TOM1L2: variants seen among roughly 807,000 people sequenced by gnomAD.
TOM1L2 encodes the protein target of myb1 like 2 membrane trafficking protein, also known as TOM1-like protein 2.
Under a neutral mutation model 67.9 loss-of-function variants are expected in TOM1L2, and 31 were observed. The observed-to-expected ratio is 0.46, with a 90% CI of 0.34 to 0.62. TOM1L2 has a LOEUF of 0.62. Among genes scored for constraint, TOM1L2 ranks in the 20% least tolerant of loss-of-function variants. TOM1L2 has a pLI of 0.01. For missense variants in TOM1L2, 606 were observed against 663.5 expected, an observed-to-expected ratio of 0.91 and a Z score of 0.95; for synonymous variants, 256 against 254.0, an observed-to-expected ratio of 1.01 and a Z score of -0.07.
At chr17:17,917,053 C>T (rs983057875) in intron 1 of TOM1L2, among the ~76,000 whole-genome samples, 5 of 152,084 alleles carry the variant, frequency 3.3e-5, no homozygotes, top group Admixed American at 1.3e-4. Context: ...CCAGCTACTC[C>T]GGAGGCTGAG....
rs1156482268 is a variant in TOM1L2, at chr17:17,898,814, G to A, written c.138-140C>T. 3 of 773,032 alleles carry A rather than the reference G, an allele frequency of 3.9e-6. No individual in the cohort carries two copies. In the Admixed American group the frequency reaches 6.3e-5, roughly 16 times the overall value. The allele number at this position is 773,032 out of a possible 1,614,324, so 47.9% of individuals were successfully genotyped here. Reference sequence around the variant, plus strand: ...AAATGTAAAAGACTGGGAACAAACTGAATGTCCATCAATACACAACAGGTT... The same window carrying A: ...AAATGTAAAAGACTGGGAACAAACTAAATGTCCATCAATACACAACAGGTT... On this transcript the variant is annotated intron_variant, in intron 2 of 14. Coordinates refer to ENST00000379504, the MANE Select transcript of TOM1L2 (RefSeq NM_001082968.2).
chr17:17,892,846 T>C (rs529827293), intron 4 of TOM1L2, among the ~76,000 whole-genome samples: 1 of 152,300 alleles, frequency 6.6e-6, no homozygotes, highest in East Asian at 1.9e-4. Flanking sequence ...GATGTCCACA[T>C]GGTGATAAAC....
At chr17:17,913,669 T>A (rs1598326861) in intron 1 of TOM1L2, among the ~76,000 whole-genome samples, 1 of 152,162 alleles carries the variant, frequency 6.6e-6, no homozygotes, top group Non-Finnish European at 1.5e-5. Context: ...TCAAAATGGG[T>A]ATATATCTTT....
At chr17:17,882,624 G>A in intron 6 of TOM1L2, 81 bp downstream of exon 6, 2 of 1,564,642 alleles carry the variant, frequency 1.3e-6, no homozygotes, top group Non-Finnish European at 1.7e-6. Flanking sequence ...ACCTGGCTTG[G>A]GAGGCCTTTG....
intron 1 of TOM1L2, among the ~76,000 whole-genome samples, chr17:17,917,938 C>T (rs2039698170): frequency 6.6e-6 from 1 of 152,162 alleles, no homozygotes; most frequent in South Asian, 2.1e-4. Context: ...CTGGGCAACA[C>T]AATGAGGCTG....
At chr17:17,928,902 G>C (rs2040210036) in intron 1 of TOM1L2, among the ~76,000 whole-genome samples, 1 of 152,112 alleles carries the variant, frequency 6.6e-6, no homozygotes, top group South Asian at 2.1e-4. Flanking sequence ...AAGTGCTTCT[G>C]CTACGTGGGT....
chr17:17,875,552 G>A (rs781027451), intron 7 of TOM1L2, among the ~76,000 whole-genome samples: 6 of 152,214 alleles, frequency 3.9e-5, no homozygotes, highest in South Asian at 2.1e-4. Flanking sequence ...AAACGCTGAC[G>A]ACTTCAGCTT....
At chr17:17,901,279 C>T (rs1486831291) in intron 2 of TOM1L2, among the ~76,000 whole-genome samples, 2 of 152,160 alleles carry the variant, frequency 1.3e-5, no homozygotes, top group Admixed American at 1.3e-4. Flanking sequence ...AGTTGGAAAC[C>T]AGGAGAAGAG....
At position 17,872,102 on chromosome 17, in the gene TOM1L2, C is replaced by T. The variant is rs149341172; in HGVS notation, c.778-2629G>A. 4,056 of 946,834 alleles carry T rather than the reference C, an allele frequency of 4.3e-3. 8 individuals carry two copies. The highest frequency in any genetic ancestry group is 4.8e-3 in the Non-Finnish European group (3,833 of 794,770). The allele number at this position is 946,834 out of a possible 1,614,324, so 58.7% of individuals were successfully genotyped here. A position where few individuals can be genotyped will look rare whatever the true frequency, so the allele number is the denominator to read the frequency against. ...GGCCACAGGCGCCAATGGACACTCA[C>T]AGGTCAAAACCCAGTCACAATTACT... On this transcript the variant is annotated intron_variant, in intron 7 of 14. Coordinates refer to ENST00000379504, the MANE Select transcript of TOM1L2 (RefSeq NM_001082968.2).
At chr17:17,936,804 C>G (rs1387507660) in intron 1 of TOM1L2, among the ~76,000 whole-genome samples, 1 of 152,130 alleles carries the variant, frequency 6.6e-6, no homozygotes, top group Non-Finnish European at 1.5e-5. Context: ...AGAAAATACA[C>G]CAAAATGTTT....
chr17:17,860,857 C>A (rs1427833244), intron 12 of TOM1L2, among the ~76,000 whole-genome samples: 1 of 152,252 alleles, frequency 6.6e-6, no homozygotes, highest in Non-Finnish European at 1.5e-5. Context: ...ACCATTCCCT[C>A]CACTTCACTG....
At chr17:17,874,333 C>T (rs749714960) in intron 7 of TOM1L2, among the ~76,000 whole-genome samples, 28 of 151,852 alleles carry the variant, frequency 1.8e-4, no homozygotes, top group Non-Finnish European at 1.5e-4. Flanking sequence ...TACGGTGGTA[C>T]GATCTCAGCT....
At chr17:17,957,742 C>T (rs911838297) in intron 1 of TOM1L2, among the ~76,000 whole-genome samples, 6 of 151,914 alleles carry the variant, frequency 3.9e-5, no homozygotes, top group Non-Finnish European at 8.8e-5. Context: ...AGGCTATACA[C>T]ACACACACGT....
intron 4 of TOM1L2, among the ~76,000 whole-genome samples, chr17:17,886,940 C>G (rs1394095651): frequency 6.6e-6 from 1 of 152,248 alleles, no homozygotes; most frequent in Non-Finnish European, 1.5e-5. Context: ...GTAGGCAGAA[C>G]TGTCCTCTGT....
At chr17:17,955,195 G>T (rs2041378260) in intron 1 of TOM1L2, among the ~76,000 whole-genome samples, 1 of 152,058 alleles carries the variant, frequency 6.6e-6, no homozygotes, top group Non-Finnish European at 1.5e-5. Flanking sequence ...CCTAGAATCT[G>T]GAAATCAAGC....
chr17:17,917,563 A>C (rs187308465), intron 1 of TOM1L2, among the ~76,000 whole-genome samples: 1 of 140,990 alleles, frequency 7.1e-6, no homozygotes. Flanking sequence ...CCTTCCAAGT[A>C]GCTGGGAATA....
At chr17:17,948,303 T>C (rs2041040609) in intron 1 of TOM1L2, among the ~76,000 whole-genome samples, 1 of 152,100 alleles carries the variant, frequency 6.6e-6, no homozygotes, top group South Asian at 2.1e-4. Context: ...GGGAGGGCAA[T>C]AGCCCCCCAG....
intron 12 of TOM1L2, among the ~76,000 whole-genome samples, chr17:17,852,857 CTCTG>C (rs2036052964): frequency 8.8e-6 from 1 of 113,610 alleles, no homozygotes; most frequent in Non-Finnish European, 1.7e-5. Context: ...AAGACTGAAA[CTCTG>C]TCTAAAAAAA....
chr17:17,926,525 G>A (rs113440615), intron 1 of TOM1L2, among the ~76,000 whole-genome samples: 40 of 152,256 alleles, frequency 2.6e-4, no homozygotes, highest in African/African-American at 9.2e-4. Context: ...GAAAGGTCAC[G>A]AATATCAACA....
Sources: allele counts gnomAD v4.1 joint callset (sites outside exome capture counted in the v4.1 genomes callset), GRCh38; gene constraint gnomAD v4.1.1; transcripts MANE v1.5; gene names NCBI Gene and HGNC (gene_info 2026-07-23, HGNC 2026-07-21).